The following OAT variants were observed in gnomAD, a reference collection of about 807,000 sequenced individuals.
OAT encodes ornithine aminotransferase, mitochondrial.
A neutral mutation model predicts 48.4 loss-of-function variants in OAT; 35 were observed. That is an observed-to-expected ratio of 0.72 (90% CI 0.55 to 0.96). The LOEUF (loss-of-function observed/expected upper bound fraction) is 0.96, where lower values mean the gene tolerates loss of function less well. Among genes scored for constraint, OAT ranks in the 40% least tolerant of loss-of-function variants. OAT has a pLI of 0.00. For missense variants in OAT, 438 were observed against 537.9 expected, an observed-to-expected ratio of 0.81 and a Z score of 1.84; for synonymous variants, 182 against 198.4, an observed-to-expected ratio of 0.92 and a Z score of 0.70.
chr10:124,404,791 C>T (rs963310158), intron 5 of OAT, among the ~76,000 whole-genome samples: 4 of 152,134 alleles, frequency 2.6e-5, no homozygotes, highest in Non-Finnish European at 5.9e-5. Flanking sequence ...TGCCTGTCAC[C>T]CCAGCACCTT....
At position 124,398,040 on chromosome 10, in the gene OAT, G is replaced by A. The variant is rs768166413; in HGVS notation, c.1222C>T (p.His408Tyr). 6.2e-7 allele frequency: 1 copy of A among 1,614,110 alleles called. No individual in the cohort carries two copies. Among genetic ancestry groups the A allele is most frequent in the Non-Finnish European group, 8.5e-7 (1 of 1,179,968 alleles). Reference protein sequence around the residue: ...RDNGLLAKPTHGDIIRFAPPL... With the variant: ...RDNGLLAKPTYGDIIRFAPPL... ...GGCGCAAACCTGATAATGTCGCCAT[G>A]GGTTGGCTTGGCCAGAAGTCCATTA... The change falls in exon 10 of 10, where the codon CAT becomes TAT. Residue 408 changes from histidine (H) to tyrosine (Y), a missense_variant. By Grantham distance (83) the His-to-Tyr change is moderately conservative. Transcript: ENST00000368845.
chr10:124,414,034 A>C (rs1589719842), intron 1 of OAT: 1 of 45,964 alleles, frequency 2.2e-5, no homozygotes, highest in East Asian at 1.9e-3. Flanking sequence ...TCTGGAAGGA[A>C]AAAAAAAAAA....
chr10:124,405,412 A>G, intron 5 of OAT, 24 bp downstream of exon 5: 2 of 1,612,212 alleles, frequency 1.2e-6, no homozygotes, highest in Non-Finnish European at 1.7e-6. Flanking sequence ...CAATGAGCTG[A>G]GCACTATGAT....
intron 7 of OAT, among the ~76,000 whole-genome samples, chr10:124,402,312 C>T (rs141677256): frequency 6.6e-6 from 1 of 152,280 alleles, no homozygotes; most frequent in East Asian, 1.9e-4. Context: ...ACTTTAGGTA[C>T]ACTTCAATGG....
intron 7 of OAT, among the ~76,000 whole-genome samples, chr10:124,402,550 AACT>A (rs1951441867): frequency 6.6e-6 from 1 of 152,358 alleles, no homozygotes; most frequent in Admixed American, 6.5e-5. Context: ...CCAAGACATG[AACT>A]ACAACAAACA....
intron 7 of OAT, 67 bp downstream of exon 7, chr10:124,402,860 G>A: frequency 6.3e-7 from 1 of 1,584,090 alleles, no homozygotes; most frequent in Non-Finnish European, 8.7e-7. Flanking sequence ...ATCAGTTGAT[G>A]TATAAATACT....
chr10:124,405,359 T>C lies in OAT; in HGVS notation c.648+77A>G. 4 of 1,596,544 alleles carry C rather than the reference T, an allele frequency of 2.5e-6. No individual in the cohort carries two copies. The South Asian group carries it at 3.3e-5, about 13-fold the overall frequency. ...ATAAATTTGCATTACTGTCATATAA[T>C]GTACTTTTAATTCATATATTCAACA... On this transcript the variant is annotated intron_variant, in intron 5 of 9. Transcript: ENST00000368845.
In OAT at chr10:124,403,784, G is replaced by C. The variant is rs1429778998; in HGVS notation, c.771+14C>G. The C allele has an allele frequency of 6.2e-7, 1 of 1,613,902 alleles. No individual in the cohort carries two copies. The highest frequency in any genetic ancestry group is 1.3e-5 in the African/African-American group (1 of 74,914). On this transcript the variant is annotated intron_variant, in intron 6 of 9. Coordinates refer to ENST00000368845, the MANE Select transcript of OAT (RefSeq NM_000274.4). The stretch of plus-strand genomic sequence containing the variant: ...TCGACATTCAGCCTTATCACAAACA[G>C]CTAACGTGACAACCTGGTGCCTGGT...
In OAT at chr10:124,403,629, G is replaced by A. The variant is rs190167813; in HGVS notation, c.771+169C>T. ...TTCTGTGCAGGTTTCTAAGCACTAG[G>A]AAGTACTTAAGCTCTTAGAATGCCA... On this transcript the variant is annotated intron_variant, in intron 6 of 9. Coordinates refer to ENST00000368845, the MANE Select transcript of OAT (RefSeq NM_000274.4). Among the ~76,000 whole-genome samples the A allele has an allele frequency of 1.6e-3, 246 of 152,298 alleles. 2 individuals carry two copies. The highest frequency in any genetic ancestry group is 5.1e-3 in the African/African-American group (211 of 41,546).
At chr10:124,407,969 T>A (rs1420932914) in intron 4 of OAT, among the ~76,000 whole-genome samples, 1 of 152,044 alleles carries the variant, frequency 6.6e-6, no homozygotes, top group East Asian at 1.9e-4. Context: ...ACAGTCTATG[T>A]AGGCCATGGC....
intron 1 of OAT, among the ~76,000 whole-genome samples, chr10:124,413,335 A>G (rs1198733942): frequency 6.6e-6 from 1 of 151,432 alleles, no homozygotes; most frequent in Non-Finnish European, 1.5e-5. Context: ...AAACAAAACA[A>G]TCTATTCTGC....
chr10:124,416,493 A>G (rs1186487138), intron 1 of OAT, among the ~76,000 whole-genome samples: 2 of 152,206 alleles, frequency 1.3e-5, no homozygotes, highest in East Asian at 1.9e-4. Context: ...TGTTCCAGGC[A>G]GCTATCATGC....
At chr10:124,398,127 A>G in intron 9 of OAT, 25 bp from the exon 10 acceptor site, 2 of 1,613,536 alleles carry the variant, frequency 1.2e-6, no homozygotes, top group Non-Finnish European at 1.7e-6. Context: ...TAAAACGTAC[A>G]TGCTCAAAGA....
chr10:124,413,263 TACATACACAC>T (rs1161297365), intron 1 of OAT, among the ~76,000 whole-genome samples: 1 of 112,108 alleles, frequency 8.9e-6, no homozygotes, highest in Admixed American at 9.5e-5. Context: ...CATACATAAA[TACATACACAC>T]ACACACACAC....
rs1041076477 is a variant in OAT, at chr10:124,408,633, C to T, written c.429G>A (p.Val143=). The T allele has an allele frequency of 3.1e-6, 5 of 1,610,518 alleles. No homozygotes were observed. Among genetic ancestry groups the T allele is most frequent in the Middle Eastern group, 1.8e-4 (1 of 5,616 alleles). The change falls in exon 4 of 10, where the codon GTG becomes GTA. Residue 143 remains valine (V), a synonymous_variant. Transcript: ENST00000368845. ...GTTTACAGGCAGTCTCTCCAGCCTC[C>T]ACTCCTATCAGGAGAGAAAAATGTT... ...YHKVLPMNTG[V]EAGETACKLA...
intron 5 of OAT, among the ~76,000 whole-genome samples, chr10:124,404,887 T>C (rs937939310): frequency 1.3e-5 from 2 of 151,800 alleles, no homozygotes; most frequent in African/African-American, 2.4e-5. Flanking sequence ...CTAAAGAAAA[T>C]AGAAAAGTTA....
In OAT at chr10:124,415,074, T is replaced by TGTGTCGCTAAAAAAAAAAAAAAA. The variant is rs1564742697; in HGVS notation, c.-29-2875_-29-2874insTTTTTTTTTTTTTTTAGCGACAC. The TGTGTCGCTAAAAAAAAAAAAAAA allele has an allele frequency of 1.8e-4, 3 of 16,854 alleles. 1 individual carries two copies. The highest frequency in any genetic ancestry group is 1.8e-3 in the Admixed American group (2 of 1,100). The allele number at this position is 16,854 out of a possible 1,614,324, so 1.0% of individuals were successfully genotyped here. A position where few individuals can be genotyped will look rare whatever the true frequency, so the allele number is the denominator to read the frequency against. On this transcript the variant is annotated intron_variant, in intron 1 of 9. Coordinates refer to ENST00000368845, the MANE Select transcript of OAT (RefSeq NM_000274.4). ...CACTCCAGCCTGGGCTACAAAGCGC[T>TGTGTCGCTAAAAAAAAAAAAAAA]AAAAAAAAAAAAAAAAAAAAAAAAA...
At chr10:124,415,373 C>T (rs905804795) in intron 1 of OAT, among the ~76,000 whole-genome samples, 1 of 152,114 alleles carries the variant, frequency 6.6e-6, no homozygotes, top group South Asian at 2.1e-4. Flanking sequence ...TCAAGGGATC[C>T]TTCTGCCTCA....
intron 7 of OAT, 26 bp from the exon 8 acceptor site, chr10:124,401,865 C>T (rs766795636): frequency 6.6e-7 from 1 of 1,514,780 alleles, no homozygotes; most frequent in Non-Finnish European, 9.2e-7. Flanking sequence ...TTCACCATGT[C>T]ATTTCTCAGC....
Sources: allele counts gnomAD v4.1 joint callset (sites outside exome capture counted in the v4.1 genomes callset), GRCh38; gene constraint gnomAD v4.1.1; transcripts MANE v1.5; gene names NCBI Gene and HGNC (gene_info 2026-07-23, HGNC 2026-07-21).